The following PCDH15 variants were observed in gnomAD, a reference collection of about 807,000 sequenced individuals.
PCDH15 encodes protocadherin-15.
A neutral mutation model predicts 178.5 loss-of-function variants in PCDH15; 129 were observed. That is an observed-to-expected ratio of 0.72 (90% CI 0.63 to 0.84). The LOEUF is 0.84. Among genes scored for constraint, PCDH15 ranks in the 40% least tolerant of loss-of-function variants. The pLI, the probability that PCDH15 is intolerant of heterozygous loss-of-function variation, is 0.00. For synonymous variants in PCDH15, 800 were observed against 732.0 expected (o/e 1.09, Z -1.50); for missense variants, 2,230 against 2,099.9 (o/e 1.06, Z -1.21).
intron 21 of PCDH15, among the ~76,000 whole-genome samples, chr10:53,965,797 A>T (rs2088949588): frequency 6.6e-6 from 1 of 152,206 alleles, no homozygotes; most frequent in Admixed American, 6.5e-5. Context: ...ATTACTTATG[A>T]CAATCAGATT....
At chr10:54,604,386 A>G (rs1372033334) in intron 2 of PCDH15, among the ~76,000 whole-genome samples, 1 of 151,964 alleles carries the variant, frequency 6.6e-6, no homozygotes, top group Non-Finnish European at 1.5e-5. Flanking sequence ...AAAATCTTCT[A>G]GTATTATTGT....
chr10:53,902,482 C>T (rs2082396718), intron 26 of PCDH15, among the ~76,000 whole-genome samples: 1 of 152,088 alleles, frequency 6.6e-6, no homozygotes, highest in Non-Finnish European at 1.5e-5. Context: ...CATTGAAATG[C>T]TGTCCAAAAT....
At chr10:55,041,906 T>C (rs565852828) in intron 2 of PCDH15, among the ~76,000 whole-genome samples, 14 of 152,248 alleles carry the variant, frequency 9.2e-5, no homozygotes, top group African/African-American at 3.1e-4. Context: ...AGAATACAAA[T>C]ACATAAATCA....
intron 2 of PCDH15, among the ~76,000 whole-genome samples, chr10:55,513,516 C>T (rs958122257): frequency 3.8e-4 from 57 of 151,980 alleles, no homozygotes; most frequent in Non-Finnish European, 4.3e-4. Flanking sequence ...TGGTTATAAA[C>T]ACACAATTAC....
intron 3 of PCDH15, among the ~76,000 whole-genome samples, chr10:54,414,299 C>T (rs959680811): frequency 8.6e-5 from 13 of 152,028 alleles, no homozygotes; most frequent in Admixed American, 5.2e-4. Context: ...AATCTACAAA[C>T]TTAACATTAA....
chr10:55,421,257 T>A lies in PCDH15; in HGVS notation c.-156+206368A>T, dbSNP rs185052304. ...GAGGCAAGAAGATAAGACCATAAGA[T>A]TTACATTAAGAATTAAAAAAATTAA... On this transcript the variant is annotated intron_variant, in intron 2 of 5. Transcript: ENST00000613346. Among the ~76,000 whole-genome samples, 42 of 151,284 alleles carry A rather than the reference T, an allele frequency of 2.8e-4. 1 individual carries two copies. The East Asian group carries it at 8.2e-3, about 29-fold the overall frequency.
chr10:55,616,340 T>C (rs1173241270), intron 2 of PCDH15, among the ~76,000 whole-genome samples: 1 of 152,164 alleles, frequency 6.6e-6, no homozygotes, highest in Non-Finnish European at 1.5e-5. Flanking sequence ...AGAAAAATAC[T>C]GGCATAAAAA....
chr10:54,550,129 A>G (rs2086386500), intron 2 of PCDH15, among the ~76,000 whole-genome samples: 2 of 152,144 alleles, frequency 1.3e-5, no homozygotes, highest in Non-Finnish European at 2.9e-5. Context: ...TTCTTATCTT[A>G]TCTGATTGTT....
At chr10:54,688,104 AATTT>A (rs1206437078) in intron 1 of PCDH15, among the ~76,000 whole-genome samples, 4 of 152,172 alleles carry the variant, frequency 2.6e-5, no homozygotes, top group East Asian at 1.9e-4. Context: ...ATTAATTATA[AATTT>A]ATTACAGAGC....
At chr10:55,441,819 T>C (rs535293034) in intron 2 of PCDH15, among the ~76,000 whole-genome samples, 1 of 152,192 alleles carries the variant, frequency 6.6e-6, no homozygotes, top group Non-Finnish European at 1.5e-5. Flanking sequence ...GATCTTGAGA[T>C]TCAGAGATTA....
intron 2 of PCDH15, among the ~76,000 whole-genome samples, chr10:55,563,097 G>A (rs1195331681): frequency 6.6e-6 from 1 of 151,960 alleles, no homozygotes; most frequent in South Asian, 2.1e-4. Flanking sequence ...ACTACCATGA[G>A]CAAAAAGGAC....
At chr10:54,858,387 T>C (rs1470272041) in intron 3 of PCDH15, among the ~76,000 whole-genome samples, 1 of 152,184 alleles carries the variant, frequency 6.6e-6, no homozygotes, top group African/African-American at 2.4e-5. Context: ...CTACTCCTTG[T>C]TTGTATAGCT....
At chr10:55,234,906 T>G (rs1015179907) in intron 1 of PCDH15, among the ~76,000 whole-genome samples, 2 of 108,580 alleles carry the variant, frequency 1.8e-5, no homozygotes, top group Admixed American at 8.7e-5. Flanking sequence ...AAAGTATATA[T>G]TATTATTTTT....
intron 3 of PCDH15, among the ~76,000 whole-genome samples, chr10:54,808,523 A>G (rs1203906088): frequency 6.6e-6 from 1 of 152,174 alleles, no homozygotes; most frequent in Non-Finnish European, 1.5e-5. Context: ...TAACCCAGGC[A>G]GTCTCATCTT....
At chr10:53,846,023 TACACACACAC>T (rs71461206) in intron 28 of PCDH15, among the ~76,000 whole-genome samples, 16 of 147,042 alleles carry the variant, frequency 1.1e-4, no homozygotes, top group African/African-American at 2.0e-4. Flanking sequence ...TGTATGTGTA[TACACACACAC>T]ACACACACAC....
At chr10:54,700,366 A>C (rs577943521) in intron 1 of PCDH15, among the ~76,000 whole-genome samples, 32 of 152,258 alleles carry the variant, frequency 2.1e-4, no homozygotes, top group Middle Eastern at 3.4e-3. Flanking sequence ...AACCAGGCTG[A>C]AATGACCGAA....
intron 2 of PCDH15, among the ~76,000 whole-genome samples, chr10:55,493,108 A>G (rs1056889475): frequency 1.3e-4 from 19 of 151,790 alleles, no homozygotes; most frequent in African/African-American, 4.6e-4. Flanking sequence ...CTAGAGGAGT[A>G]CAGGGAGGGA....
chr10:55,235,146 A>T (rs746681485), intron 1 of PCDH15, among the ~76,000 whole-genome samples: 54 of 152,108 alleles, frequency 3.6e-4, no homozygotes, highest in Non-Finnish European at 5.9e-4. Flanking sequence ...TTCTGCTTTC[A>T]TATTATAATA....
At chr10:54,416,360 G>T (rs969476201) in intron 3 of PCDH15, among the ~76,000 whole-genome samples, 1 of 151,980 alleles carries the variant, frequency 6.6e-6, no homozygotes, top group Non-Finnish European at 1.5e-5. Context: ...CCACTTATGA[G>T]TGAGAACATG....
Sources: gnomAD v4.1 joint callset for allele counts (sites outside exome capture counted in the v4.1 genomes callset) on GRCh38, gnomAD v4.1.1 for gene constraint, MANE v1.5 for transcripts, NCBI Gene and HGNC (gene_info 2026-07-23, HGNC 2026-07-21) for gene names.